BPGM: variants seen among roughly 807,000 people sequenced by gnomAD.
The protein encoded by BPGM is 2,3-bisphosphoglycerate mutase, erythrocyte.
A neutral mutation model predicts 21.6 loss-of-function variants in BPGM; 15 were observed. The ratio of observed to expected loss-of-function variants is 0.70; its 90% confidence interval spans 0.47 to 1.07. The LOEUF (loss-of-function observed/expected upper bound fraction) is 1.07, where lower values mean the gene tolerates loss of function less well. BPGM is among the 50% of genes least tolerant of loss of function. The pLI, the probability that BPGM is intolerant of heterozygous loss-of-function variation, is 0.00. For synonymous variants in BPGM, 113 were observed against 116.2 expected, an observed-to-expected ratio of 0.97 and a Z score of 0.18; for missense variants, 273 against 319.0, an observed-to-expected ratio of 0.86 and a Z score of 1.10.
rs1426381320 is a variant in BPGM, at chr7:134,679,703, TGGCTGTTGA to T, written c.*675_*683del. On this transcript the variant is annotated 3_prime_UTR_variant, in exon 3 of 3. Transcript: ENST00000344924. ...AGAATAAGCAGCAAATAAACAACTATGGCTGTTGAGGTTCTCATTTTGGTTTGTTTTAAT... is the reference window on the plus strand; with the variant it reads ...AGAATAAGCAGCAAATAAACAACTATGGTTCTCATTTTGGTTTGTTTTAAT... The T allele has an allele frequency of 6.6e-6, 1 of 151,964 alleles. No individual in the cohort carries two copies. Among genetic ancestry groups the T allele is most frequent in the Non-Finnish European group, 1.5e-5 (1 of 67,898 alleles). 9.4% of individuals were successfully genotyped at this position (151,964 alleles called of 1,614,324 possible). A position where few individuals can be genotyped will look rare whatever the true frequency, so the allele number is the denominator to read the frequency against.
chr7:134,649,290 C>A (rs1228725151), intron 1 of BPGM, among the ~76,000 whole-genome samples: 1 of 152,054 alleles, frequency 6.6e-6, no homozygotes, highest in East Asian at 1.9e-4. Flanking sequence ...TTAAACCAAA[C>A]CAGATTATTG....
chr7:134,659,430 A>T (rs1025096), intron 1 of BPGM, among the ~76,000 whole-genome samples: 2 of 151,654 alleles, frequency 1.3e-5, no homozygotes, highest in South Asian at 2.1e-4. Flanking sequence ...CTGGTTTCTC[A>T]CAGGTGAGGG....
intron 2 of BPGM, among the ~76,000 whole-genome samples, chr7:134,671,619 C>G (rs1205352378): frequency 6.6e-6 from 1 of 152,172 alleles, no homozygotes; most frequent in Admixed American, 6.5e-5. Context: ...CTGCCTCGGC[C>G]TCCCAAAGTG....
intron 2 of BPGM, among the ~76,000 whole-genome samples, chr7:134,673,991 C>G (rs1332484015): frequency 6.7e-6 from 1 of 150,068 alleles, no homozygotes; most frequent in Non-Finnish European, 1.5e-5. Context: ...CGGTTCACTG[C>G]AACCTCCACC....
intron 2 of BPGM, among the ~76,000 whole-genome samples, chr7:134,666,525 C>T (rs912411531): frequency 4.6e-5 from 7 of 152,110 alleles, no homozygotes; most frequent in African/African-American, 9.7e-5. Flanking sequence ...TGTGAGGATC[C>T]GGATTTGTCC....
In BPGM at chr7:134,661,767, T is replaced by C; in HGVS notation, c.260T>C (p.Leu87Pro). ...GTGCCTGTGGAAAGCTCCTGGCGTC[T>C]AAATGAGCGTCACTATGGGGCCTTG... ...EWVPVESSWR[L>P]NERHYGALIG... The change falls in exon 2 of 3, where the codon CTA becomes CCA. Residue 87 changes from leucine (L) to proline (P), a missense_variant. Physicochemically the swap from Leu to Pro is moderately conservative, Grantham distance 98 (BLOSUM62 -3). Coordinates refer to ENST00000344924, the MANE Select transcript of BPGM (RefSeq NM_001724.5). The surrounding 1 kb of genome is among the most constrained non-coding windows in gnomAD (Gnocchi z 4.6). 6.2e-7 allele frequency: 1 copy of C among 1,614,172 alleles called. No individual in the cohort carries two copies. The highest frequency in any genetic ancestry group is 8.5e-7 in the Non-Finnish European group (1 of 1,180,024).
intron 1 of BPGM, among the ~76,000 whole-genome samples, chr7:134,652,456 T>C (rs538771150): frequency 3.3e-5 from 5 of 152,350 alleles, no homozygotes; most frequent in African/African-American, 9.6e-5. Context: ...TGCATTTGTC[T>C]ATTACCTCAT....
intron 1 of BPGM, among the ~76,000 whole-genome samples, chr7:134,649,989 A>G (rs976620144): frequency 2.0e-5 from 3 of 152,246 alleles, no homozygotes; most frequent in African/African-American, 7.2e-5. Context: ...GTGCTTCACC[A>G]TAATCTCATT....
chr7:134,671,849 T>G (rs1795909498), intron 2 of BPGM, among the ~76,000 whole-genome samples: 1 of 152,238 alleles, frequency 6.6e-6, no homozygotes, highest in Non-Finnish European at 1.5e-5. Flanking sequence ...AGCACTGTGT[T>G]GTAACAGCAT....
chr7:134,648,650 TAAAC>T (rs1441789723), intron 1 of BPGM, among the ~76,000 whole-genome samples: 3 of 151,556 alleles, frequency 2.0e-5, no homozygotes, highest in East Asian at 3.9e-4. Flanking sequence ...TGTGTGATCT[TAAAC>T]AAATCATTTC....
At chr7:134,667,835 C>G (rs930059246) in intron 2 of BPGM, among the ~76,000 whole-genome samples, 45 of 152,084 alleles carry the variant, frequency 3.0e-4, no homozygotes, top group African/African-American at 1.0e-3. Context: ...AAAGTTTTAC[C>G]TACTGGGGCG....
At position 134,661,448 on chromosome 7, in the gene BPGM, T is replaced by C. The variant is rs1795728598; in HGVS notation, c.-60T>C. 2.5e-6 allele frequency: 4 copies of C among 1,609,898 alleles called. No individual in the cohort carries two copies. The highest frequency in any genetic ancestry group is 3.4e-6 in the Non-Finnish European group (4 of 1,176,772). On this transcript the variant is annotated splice_region_variant and 5_prime_UTR_variant, in exon 2 of 3. It removes an upstream start codon present in the reference 5' UTR. Coordinates refer to ENST00000344924, the MANE Select transcript of BPGM (RefSeq NM_001724.5). This position sits in a 1 kb window ranked among gnomAD's most constrained non-coding sequence, Gnocchi z 4.6. ...GACTTGTTGTTCTTGTCTTTCTAGA[T>C]GTATTGCTGTCCTTGAATATTAGCC...
chr7:134,652,594 A>G (rs1585851770), intron 1 of BPGM, among the ~76,000 whole-genome samples: 1 of 152,120 alleles, frequency 6.6e-6, no homozygotes, highest in Non-Finnish European at 1.5e-5. Flanking sequence ...ATAGTTTTGT[A>G]CCTGTTAACC....
chr7:134,646,912 TGC>T lies in BPGM; in HGVS notation c.-86_-85del. The T allele has an allele frequency of 5.3e-6, 1 of 190,452 alleles. No individual in the cohort carries two copies. Among genetic ancestry groups the T allele is most frequent in the Admixed American group, 5.7e-5 (1 of 17,426 alleles). 11.8% of individuals were successfully genotyped at this position (190,452 alleles called of 1,614,324 possible). A position where few individuals can be genotyped will look rare whatever the true frequency, so the allele number is the denominator to read the frequency against. ...TCGGAGGAGCGGCTGCTGCTGCTGC[TGC>T]TGCTGCTGGTGGCCCCTTTGCAGGT... On this transcript the variant is annotated 5_prime_UTR_variant, in exon 1 of 3. An upstream open reading frame in the 5' UTR loses its in-frame stop. Coordinates refer to ENST00000344924, the MANE Select transcript of BPGM (RefSeq NM_001724.5).
At chr7:134,650,693 C>A (rs1054630068) in intron 1 of BPGM, among the ~76,000 whole-genome samples, 1 of 152,098 alleles carries the variant, frequency 6.6e-6, no homozygotes, top group African/African-American at 2.4e-5. Context: ...GAGGCCGAGG[C>A]GGGCAGATCA....
chr7:134,648,301 A>T (rs1020840781), intron 1 of BPGM, among the ~76,000 whole-genome samples: 3 of 149,710 alleles, frequency 2.0e-5, no homozygotes, highest in Non-Finnish European at 4.4e-5. Flanking sequence ...ACGCCCAGCT[A>T]ATTTTGTGTT....
rs140774517 is a variant in BPGM, at chr7:134,652,457, A to G, written c.-62+5520A>G. The stretch of plus-strand genomic sequence containing the variant: ...ATTGATTTACCTCATGCATTTGTCT[A>G]TTACCTCATGCATTTATTTTTTGTG... On this transcript the variant is annotated intron_variant, in intron 1 of 2. Coordinates refer to ENST00000344924, the MANE Select transcript of BPGM (RefSeq NM_001724.5). Among the ~76,000 whole-genome samples the G allele has an allele frequency of 7.3e-4, 111 of 152,270 alleles. No individual in the cohort carries two copies. In the East Asian group the frequency reaches 8.3e-3, roughly 11 times the overall value.
At chr7:134,677,121 G>A (rs1795992730) in intron 2 of BPGM, among the ~76,000 whole-genome samples, 1 of 152,194 alleles carries the variant, frequency 6.6e-6, no homozygotes, top group South Asian at 2.1e-4. Flanking sequence ...CTGCTACCTA[G>A]AAGGGAATTC....
intron 2 of BPGM, among the ~76,000 whole-genome samples, chr7:134,674,588 C>T (rs1795958964): frequency 6.6e-6 from 1 of 152,198 alleles, no homozygotes; most frequent in Non-Finnish European, 1.5e-5. Context: ...TGGTTTGGTT[C>T]AGTACTTCAT....
Sources: gnomAD v4.1 joint callset for allele counts (sites outside exome capture counted in the v4.1 genomes callset) on GRCh38, gnomAD v4.1.1 for gene constraint, Gnocchi (gnomAD v3.1) non-coding constraint, MANE v1.5 for transcripts, NCBI Gene and HGNC (gene_info 2026-07-23, HGNC 2026-07-21) for gene names.